The following EFCAB5 variants were observed in gnomAD, a reference collection of about 807,000 sequenced individuals.
EFCAB5 encodes EF-hand calcium-binding domain-containing protein 5.
EFCAB5 carries 131 observed loss-of-function variants against 167.9 expected under a neutral mutation model. The ratio of observed to expected loss-of-function variants is 0.78; its 90% CI spans 0.68 to 0.90. The LOEUF is 0.90. Ranked by LOEUF, EFCAB5 falls within the 40% of genes least tolerant of loss-of-function variation. EFCAB5 has a pLI of 0.00. For synonymous variants in EFCAB5, 574 were observed against 602.8 expected (o/e 0.95, Z 0.70); for missense variants, 1,663 against 1,745.2 (o/e 0.95, Z 0.84).
intron 22 of EFCAB5, among the ~76,000 whole-genome samples, chr17:30,099,739 T>TG (rs1002580843): frequency 6.6e-6 from 1 of 152,230 alleles, no homozygotes; most frequent in African/African-American, 2.4e-5. Flanking sequence ...AGGAGGTGGG[T>TG]GGGGGCCAAA....
At chr17:30,101,230 G>A (rs1235653860) in intron 22 of EFCAB5, among the ~76,000 whole-genome samples, 1 of 152,220 alleles carries the variant, frequency 6.6e-6, no homozygotes, top group Non-Finnish European at 1.5e-5. Flanking sequence ...CTGCTGTAAT[G>A]AGAAGACACT....
At position 30,091,970 on chromosome 17, in the gene EFCAB5, A is replaced by C. The variant is rs756812805; in HGVS notation, c.4037A>C (p.Glu1346Ala). The C allele has an allele frequency of 3.1e-6, 5 of 1,613,814 alleles. 1 individual carries two copies. In the South Asian group the frequency reaches 4.4e-5, roughly 14 times the overall value. ...AGCATCCAACTACTCAATTCCATGGAATTTGTGTCACTGTTGCTCTATGAC... is the reference window on the plus strand; with the variant it reads ...AGCATCCAACTACTCAATTCCATGGCATTTGTGTCACTGTTGCTCTATGAC... ...QESIQLLNSM[E>A]FVSLLLYDHT... The change falls in exon 21 of 23, where the codon GAA (glutamate) becomes GCA (alanine). Residue 1346 changes from glutamate to alanine, a missense_variant. Transcript: ENST00000394835.
chr17:30,059,760 C>A, intron 14 of EFCAB5, 59 bp downstream of exon 14: 2 of 1,458,978 alleles, frequency 1.4e-6, no homozygotes, highest in South Asian at 1.4e-5. Context: ...TCAAGTTTCT[C>A]AGTACACATA....
chr17:30,042,352 G>C (rs1216754298), intron 8 of EFCAB5, among the ~76,000 whole-genome samples: 1 of 152,082 alleles, frequency 6.6e-6, no homozygotes, highest in Non-Finnish European at 1.5e-5. Context: ...AAGCGAATTT[G>C]TGTGACTCAC....
Position 30,053,977 on chromosome 17 carries a change from A to C in EFCAB5, c.2023A>C (p.Lys675Gln). The change falls in exon 10 of 23, where the codon AAA becomes CAA. Residue 675 changes from lysine to glutamine, a missense_variant. Transcript: ENST00000394835. Reference sequence around the variant, plus strand: ...CATAGGCTCAACTTCACAATCAAGAAAAGATAGTATCTTAAAAAGTACAAA... The same window carrying C: ...CATAGGCTCAACTTCACAATCAAGACAAGATAGTATCTTAAAAAGTACAAA... ...EDIGSTSQSR[K>Q]DSILKSTKYG... The C allele has an allele frequency of 6.2e-7, 1 of 1,613,714 alleles. No individual in the cohort carries two copies. Among genetic ancestry groups the C allele is most frequent in the Non-Finnish European group, 8.5e-7 (1 of 1,179,712 alleles).
At chr17:29,937,048 G>A (rs888533142), upstream of EFCAB5, among the ~76,000 whole-genome samples, 6 of 152,254 alleles carry the variant, frequency 3.9e-5, no homozygotes, top group South Asian at 2.1e-4. Flanking sequence ...AAGATACTAC[G>A]TATGGAAGAG....
At chr17:29,943,675 C>A in intron 3 of EFCAB5, 26 bp downstream of exon 3, 1 of 1,545,404 alleles carries the variant, frequency 6.5e-7, no homozygotes, top group South Asian at 1.2e-5. Flanking sequence ...TTCTCTTATA[C>A]AATAGAATCT....
At position 30,080,060 on chromosome 17, in the gene EFCAB5, G is replaced by C. The variant is rs753783726; in HGVS notation, c.3028-12G>C. 6.3e-7 allele frequency: 1 copy of C among 1,597,266 alleles called. No individual in the cohort carries two copies. The highest frequency in any genetic ancestry group is 1.1e-5 in the South Asian group (1 of 88,026). ...TGTTGGCAAACACATGGTCGGAAACGTTTTGCTGTAGGATGCTGAAGCCCA... is the reference window on the plus strand; with the variant it reads ...TGTTGGCAAACACATGGTCGGAAACCTTTTGCTGTAGGATGCTGAAGCCCA... On this transcript the variant is annotated splice_polypyrimidine_tract_variant and intron_variant, in intron 15 of 22. Coordinates refer to ENST00000394835, the MANE Select transcript of EFCAB5 (RefSeq NM_198529.4).
At chr17:29,980,608 AT>A (rs551807178) in intron 4 of EFCAB5, among the ~76,000 whole-genome samples, 57 of 151,950 alleles carry the variant, frequency 3.8e-4, no homozygotes, top group Non-Finnish European at 7.2e-4. Context: ...CTGTTTCTCT[AT>A]TTAGTCCTTC....
chr17:30,068,999 C>A, intron 14 of EFCAB5: 1 of 1,437,458 alleles, frequency 7.0e-7, no homozygotes. Flanking sequence ...GAGATACATT[C>A]CCAGCAAGTG....
intron 6 of EFCAB5, among the ~76,000 whole-genome samples, chr17:29,997,197 G>A (rs1347483378): frequency 6.6e-6 from 1 of 151,002 alleles, no homozygotes; most frequent in Admixed American, 6.6e-5. Flanking sequence ...GTGAGCCGAG[G>A]TGACGCCACT....
intron 1 of EFCAB5, among the ~76,000 whole-genome samples, chr17:29,935,690 T>TC (rs1318627151): frequency 6.8e-6 from 1 of 146,890 alleles, no homozygotes; most frequent in Admixed American, 7.1e-5. Context: ...GGTGAGTAAT[T>TC]CATCCCACCT....
At chr17:30,034,203 G>A (rs756639153) in intron 7 of EFCAB5, 27 bp from the exon 8 acceptor site, 2 of 1,609,478 alleles carry the variant, frequency 1.2e-6, no homozygotes, top group Admixed American at 1.7e-5. Flanking sequence ...TAAGTCAATC[G>A]TTTATCCTCT....
intron 22 of EFCAB5, among the ~76,000 whole-genome samples, chr17:30,102,738 G>T (rs1172872381): frequency 6.6e-6 from 1 of 152,028 alleles, no homozygotes; most frequent in Admixed American, 6.6e-5. Flanking sequence ...TGTCTCTGGG[G>T]CGCAAGAAAA....
intron 11 of EFCAB5, 21 bp from the exon 12 acceptor site, chr17:30,056,043 T>A: frequency 6.2e-7 from 1 of 1,613,142 alleles, no homozygotes; most frequent in Non-Finnish European, 8.5e-7. Context: ...ATTGGCTATG[T>A]TATGGAATGT....
intron 7 of EFCAB5, among the ~76,000 whole-genome samples, chr17:30,020,155 C>T (rs988279189): frequency 2.6e-5 from 4 of 152,094 alleles, no homozygotes; most frequent in African/African-American, 9.7e-5. Context: ...ATATACACCA[C>T]ATTTAATCTA....
intron 14 of EFCAB5, among the ~76,000 whole-genome samples, chr17:30,076,609 GAGA>G (rs2151829435): frequency 6.6e-6 from 1 of 152,332 alleles, no homozygotes; most frequent in Non-Finnish European, 1.5e-5. Flanking sequence ...CGTCTTTCAA[GAGA>G]AGGAGAAATC....
intron 4 of EFCAB5, among the ~76,000 whole-genome samples, chr17:29,971,813 G>A (rs1597601192): frequency 6.6e-6 from 1 of 151,980 alleles, no homozygotes; most frequent in African/African-American, 2.4e-5. Flanking sequence ...TTCAGAATAC[G>A]GTATATATCT....
In EFCAB5 at chr17:30,053,677, G is replaced by C; in HGVS notation, c.1723G>C (p.Glu575Gln). The C allele has an allele frequency of 1.2e-6, 2 of 1,613,992 alleles. No individual in the cohort carries two copies. Among genetic ancestry groups the C allele is most frequent in the Non-Finnish European group, 1.7e-6 (2 of 1,179,864 alleles). ...EQETHRESTT[E>Q]QGQHKGSIEG... is the part of the protein sequence containing the mutation. ...AGAAACACACAGAGAGTCAACTACA[G>C]AACAAGGACAGCACAAAGGGTCAAT... The change falls in exon 10 of 23, where the codon GAA becomes CAA. Residue 575 changes from glutamate to glutamine, a missense_variant. Transcript: ENST00000394835.
Sources: allele counts gnomAD v4.1 joint callset (sites outside exome capture counted in the v4.1 genomes callset), GRCh38; gene constraint gnomAD v4.1.1; transcripts MANE v1.5; gene names NCBI Gene and HGNC (gene_info 2026-07-23, HGNC 2026-07-21).